Variants in CTIF observed in about 807,000 individuals in gnomAD.
CTIF encodes cap binding complex dependent translation initiation factor.
A neutral mutation model predicts 66.0 loss-of-function variants in CTIF; 21 were observed. That is an observed-to-expected ratio of 0.32 (90% CI 0.23 to 0.46). The LOEUF (loss-of-function observed/expected upper bound fraction) is 0.46, where lower values mean the gene tolerates loss of function less well. CTIF is among the 20% of genes least tolerant of loss of function. CTIF has a pLI of 1.00. For missense variants in CTIF, 739 were observed against 812.7 expected (o/e 0.91, Z 1.10); for synonymous variants, 345 against 326.4 (o/e 1.06, Z -0.62).
Position 48,619,573 on chromosome 18 carries a change from ACTC to A in CTIF, c.12_14del (p.Ser5del), listed in dbSNP as rs2090455876. ...GGCCCCTGAGCTGGAGGGATGGAAAACTCCTCTGCAGCATCAGCCTCCTCGGAG... is the reference window on the plus strand; with the variant it reads ...GGCCCCTGAGCTGGAGGGATGGAAAACTCTGCAGCATCAGCCTCCTCGGAG... On this transcript the variant is annotated inframe_deletion, in exon 2 of 12. Coordinates refer to ENST00000256413, the MANE Select transcript of CTIF (RefSeq NM_014772.3). The A allele has an allele frequency of 2.6e-6, 4 of 1,556,260 alleles. No homozygotes were observed. Among genetic ancestry groups the A allele is most frequent in the Non-Finnish European group, 3.5e-6 (4 of 1,150,788 alleles).
intron 9 of CTIF, among the ~76,000 whole-genome samples, chr18:48,778,627 C>T (rs1387640134): frequency 6.6e-6 from 1 of 152,196 alleles, no homozygotes; most frequent in African/African-American, 2.4e-5. Context: ...GCCAGGAAGG[C>T]CTCTCCCATC....
chr18:48,663,628 G>T (rs2091383826), intron 3 of CTIF, 124 bp from the exon 4 acceptor site: 2 of 825,760 alleles, frequency 2.4e-6, no homozygotes, highest in Admixed American at 1.9e-5. Flanking sequence ...CTGACTGGGT[G>T]CACCAGCCAC....
chr18:48,618,271 C>T (rs888414125), intron 1 of CTIF, among the ~76,000 whole-genome samples: 1 of 152,254 alleles, frequency 6.6e-6, no homozygotes, highest in African/African-American at 2.4e-5. Context: ...ATTAAACCTG[C>T]TAGGACCTCG....
intron 2 of CTIF, among the ~76,000 whole-genome samples, chr18:48,631,730 T>C (rs1019750984): frequency 2.0e-5 from 3 of 152,184 alleles, no homozygotes; most frequent in African/African-American, 7.2e-5. Context: ...TCTTGTGAAT[T>C]TGATGCTCAT....
chr18:48,599,098 T>A (rs909597665), intron 1 of CTIF, among the ~76,000 whole-genome samples: 2 of 152,188 alleles, frequency 1.3e-5, no homozygotes, highest in Admixed American at 6.5e-5. Flanking sequence ...ATCTCCTCTC[T>A]GCCGATCAGC....
chr18:48,768,243 G>T (rs762155967), intron 9 of CTIF, among the ~76,000 whole-genome samples: 1 of 152,060 alleles, frequency 6.6e-6, no homozygotes, highest in Non-Finnish European at 1.5e-5. Context: ...GACTGATATC[G>T]ATTCCTGGAG....
chr18:48,590,573 G>T (rs932327359), intron 1 of CTIF, among the ~76,000 whole-genome samples: 1 of 152,248 alleles, frequency 6.6e-6, no homozygotes, highest in Non-Finnish European at 1.5e-5. Flanking sequence ...AGAGCCACTA[G>T]ATTTGGGCTT....
chr18:48,641,693 A>G (rs565920667), intron 3 of CTIF, among the ~76,000 whole-genome samples: 3 of 152,334 alleles, frequency 2.0e-5, no homozygotes, highest in African/African-American at 7.2e-5. Flanking sequence ...CAGAAAAACA[A>G]CTACACAGAC....
intron 1 of CTIF, among the ~76,000 whole-genome samples, chr18:48,603,615 GTGGATGGATGGAAGGA>G (rs1461145192): frequency 4.0e-5 from 6 of 148,266 alleles, no homozygotes; most frequent in Admixed American, 1.3e-4. Context: ...GGGTGGGTGG[GTGGATGGATGGAAGGA>G]TGGATGGATG....
intron 3 of CTIF, among the ~76,000 whole-genome samples, chr18:48,658,429 G>T (rs897694875): frequency 7.2e-5 from 11 of 151,920 alleles, no homozygotes; most frequent in African/African-American, 2.7e-4. Flanking sequence ...TGTTTGGTGT[G>T]TATATGGGTG....
At chr18:48,542,605 T>C (rs192891357) in intron 1 of CTIF, among the ~76,000 whole-genome samples, 1 of 152,300 alleles carries the variant, frequency 6.6e-6, no homozygotes, top group Admixed American at 6.5e-5. Context: ...TCTACAAAGA[T>C]AGTAGAGCAG....
chr18:48,587,753 A>G (rs1568052677), intron 1 of CTIF, among the ~76,000 whole-genome samples: 4 of 152,222 alleles, frequency 2.6e-5, no homozygotes, highest in African/African-American at 4.8e-5. Context: ...CCAAAAGATT[A>G]TGACACCTGT....
chr18:48,840,412 C>T (rs1409050105), intron 10 of CTIF, among the ~76,000 whole-genome samples: 1 of 152,218 alleles, frequency 6.6e-6, no homozygotes, highest in African/African-American at 2.4e-5. Flanking sequence ...AGAATATTGA[C>T]TCACATGCTC....
chr18:48,863,069 C>G lies in CTIF; in HGVS notation c.*3510C>G, dbSNP rs2069514517. On this transcript the variant is annotated 3_prime_UTR_variant, in exon 12 of 12. Transcript: ENST00000256413. Reference sequence around the variant, plus strand: ...GGGAGTGGACGACAGGACCTACCTCCCCAGAGCAAGGGCCTGGGGCTTCCC... The same window carrying G: ...GGGAGTGGACGACAGGACCTACCTCGCCAGAGCAAGGGCCTGGGGCTTCCC... 1.3e-5 allele frequency: 2 copies of G among 152,250 alleles called. No homozygotes were observed. The highest frequency in any genetic ancestry group is 1.3e-4 in the Admixed American group (2 of 15,288). The allele number at this position is 152,250 out of a possible 1,614,324, so 9.4% of individuals were successfully genotyped here. A position where few individuals can be genotyped will look rare whatever the true frequency, so the allele number is the denominator to read the frequency against.
At chr18:48,616,705 C>T (rs1446443930) in intron 1 of CTIF, among the ~76,000 whole-genome samples, 1 of 152,156 alleles carries the variant, frequency 6.6e-6, no homozygotes, top group East Asian at 1.9e-4. Context: ...AGCAGACACT[C>T]GTCATTCCTA....
At chr18:48,828,413 T>C (rs1323576066) in intron 10 of CTIF, among the ~76,000 whole-genome samples, 4 of 152,160 alleles carry the variant, frequency 2.6e-5, no homozygotes, top group African/African-American at 9.7e-5. Context: ...GGAGCAGTTT[T>C]TCCTAATAAA....
chr18:48,543,142 C>A (rs1007946998), intron 1 of CTIF, among the ~76,000 whole-genome samples: 1 of 152,342 alleles, frequency 6.6e-6, no homozygotes, highest in South Asian at 2.1e-4. Flanking sequence ...CTGTTTTGGG[C>A]TCCATTGCCC....
chr18:48,811,848 A>G (rs551999102), intron 9 of CTIF, among the ~76,000 whole-genome samples: 1 of 152,354 alleles, frequency 6.6e-6, no homozygotes, highest in South Asian at 2.1e-4. Context: ...CTTGTCAGTA[A>G]TGCTACATAC....
chr18:48,625,150 T>G (rs963067925), intron 2 of CTIF: 12 of 912,878 alleles, frequency 1.3e-5, no homozygotes, highest in African/African-American at 1.8e-5. Flanking sequence ...CATTTCCTTC[T>G]GCCCTTAAAT....
Sources: gnomAD v4.1 joint callset for allele counts (sites outside exome capture counted in the v4.1 genomes callset) on GRCh38, gnomAD v4.1.1 for gene constraint, MANE v1.5 for transcripts, NCBI Gene and HGNC (gene_info 2026-07-23, HGNC 2026-07-21) for gene names.